Variants in PRKDC observed in about 807,000 individuals in gnomAD.
PRKDC encodes protein kinase, DNA-activated, catalytic subunit, also known as DNA-dependent protein kinase catalytic subunit.
In PRKDC, 82 loss-of-function variants were observed where a neutral mutation model predicts 486.9. The observed-to-expected ratio is 0.17, with a 90% confidence interval of 0.14 to 0.20. The LOEUF is 0.20. Among genes scored for constraint, PRKDC ranks in the 10% least tolerant of loss-of-function variants. PRKDC has a pLI of 1.00. For synonymous variants in PRKDC, 1,895 were observed against 1,837.0 expected (o/e 1.03, Z -0.81); for missense variants, 4,504 against 5,038.2 (o/e 0.89, Z 3.21).
At chr8:47,839,389 C>T (rs2088094521) in intron 55 of PRKDC, 143 bp from the exon 56 acceptor site, 1 of 657,054 alleles carries the variant, frequency 1.5e-6, no homozygotes, top group Non-Finnish European at 2.7e-6. Context: ...CAGCTTGCCC[C>T]ACTCATGGGT....
Position 47,839,246 on chromosome 8 carries a change from T to G in PRKDC, c.7455A>C (p.Arg2485Ser). ...NILMWIHDNY[R>S]DPESETDNDS... ...CATTATCTGTCTCACTTTCTGGATC[T>G]CTGCTTGAGAAAACAGCAAAATGTC... is the stretch of plus-strand genomic sequence containing the variant. Residue 2485 changes from arginine (R) to serine (S), a missense_variant and splice_region_variant, in exon 56 of 86, where the codon AGA (arginine) becomes AGC (serine). Physicochemically the swap from Arg to Ser is moderately radical, Grantham distance 110. Coordinates refer to ENST00000314191, the MANE Select transcript of PRKDC (RefSeq NM_006904.7). The G allele has an allele frequency of 6.2e-7, 1 of 1,610,128 alleles. No individual in the cohort carries two copies. Among genetic ancestry groups the G allele is most frequent in the Non-Finnish European group, 8.5e-7 (1 of 1,176,770 alleles).
At chr8:47,930,649 A>T (rs1158231586) in intron 17 of PRKDC, 23 bp downstream of exon 17, 24 of 1,529,908 alleles carry the variant, frequency 1.6e-5, no homozygotes, top group Non-Finnish European at 2.1e-5. Context: ...TCATTCTTAA[A>T]TAATTAGAAT....
rs1392138634 is a variant in PRKDC, at chr8:47,902,687, T to C, written c.3151A>G (p.Lys1051Glu). 1 of 1,613,836 alleles carries C rather than the reference T, an allele frequency of 6.2e-7. No individual in the cohort carries two copies. The highest frequency in any genetic ancestry group is 8.5e-7 in the Non-Finnish European group (1 of 1,179,852). Residue 1051 changes from lysine (K) to glutamate (E), a missense_variant, in exon 27 of 86, where the codon AAG becomes GAG. Around this residue, in one of 6 missense-constraint regions of PRKDC, gnomAD observed 1,969 missense variants for 2,068.9 expected, o/e 0.95. Transcript: ENST00000314191. The part of the protein sequence containing the change: ...IKQITPQQQE[K>E]SPVNTKSLFK... ...AGCGATTTGGTGTTTACTGGACTCTTCTCCTGCTGCTGTGGTGTTATTTGC... is the reference window on the plus strand; with the variant it reads ...AGCGATTTGGTGTTTACTGGACTCTCCTCCTGCTGCTGTGGTGTTATTTGC...
intron 54 of PRKDC, among the ~76,000 whole-genome samples, chr8:47,845,975 A>T (rs554828604): frequency 2.0e-5 from 3 of 152,344 alleles, no homozygotes; most frequent in Admixed American, 6.5e-5. Flanking sequence ...CTAAAAGTCA[A>T]TGCGTGACAA....
chr8:47,786,816 G>A (rs1057034477), intron 76 of PRKDC, among the ~76,000 whole-genome samples: 2 of 126,172 alleles, frequency 1.6e-5, no homozygotes, highest in Non-Finnish European at 3.1e-5. Flanking sequence ...TGCAACCTCT[G>A]CCTCCTGGGT....
At chr8:47,855,411 T>G in intron 49 of PRKDC, 38 bp from the exon 50 acceptor site, 2 of 1,519,688 alleles carry the variant, frequency 1.3e-6, no homozygotes, top group Non-Finnish European at 1.8e-6. Flanking sequence ...ATATGCGGCA[T>G]TCCATTCTGG....
chr8:47,881,461 T>C lies in PRKDC; in HGVS notation c.5022A>G (p.Thr1674=). 6.3e-7 allele frequency: 1 copy of C among 1,577,690 alleles called. No homozygotes were observed. Among genetic ancestry groups the C allele is most frequent in the Non-Finnish European group, 8.7e-7 (1 of 1,150,002 alleles). Residue 1674 remains threonine (T), a synonymous_variant, in exon 38 of 86, where the codon ACA becomes ACG. Transcript: ENST00000314191. ...TTGTGTCAGCAAGTAGACTAATATA[T>C]GTTGTAAAGACTTCAGGGAATGAAC... ...SHGSFPEVFT[T]YISLLADTKL... is the part of the protein sequence containing the mutation.
chr8:47,890,028 C>T (rs1324894451), intron 32 of PRKDC, among the ~76,000 whole-genome samples: 2 of 152,050 alleles, frequency 1.3e-5, no homozygotes, highest in Non-Finnish European at 2.9e-5. Flanking sequence ...TTGATTTTGA[C>T]ATATAACTTC....
At chr8:47,790,941 T>C (rs538994243) in intron 74 of PRKDC, among the ~76,000 whole-genome samples, 4 of 152,108 alleles carry the variant, frequency 2.6e-5, no homozygotes, top group Non-Finnish European at 5.9e-5. Context: ...AAACCTAAGA[T>C]CTCAACCAAT....
In PRKDC at chr8:47,934,052, C is replaced by G. The variant is rs1269995670; in HGVS notation, c.1536G>C (p.Gly512=). ...ESESEDHRAS[G]EVRTGKWKVP... ...CCTTCCATTTGCCAGTTCTGACTTCCCCTGAAGCACGGTGGTCTTCAGATT... is the reference window on the plus strand; with the variant it reads ...CCTTCCATTTGCCAGTTCTGACTTCGCCTGAAGCACGGTGGTCTTCAGATT... The change falls in exon 15 of 86, where the codon GGG becomes GGC. Residue 512 remains glycine, a synonymous_variant. Transcript: ENST00000314191. The G allele has an allele frequency of 5.0e-6, 8 of 1,613,610 alleles. No individual in the cohort carries two copies. Among genetic ancestry groups the G allele is most frequent in the Non-Finnish European group, 6.8e-6 (8 of 1,179,756 alleles).
At chr8:47,888,673 A>T (rs766142945) in intron 33 of PRKDC, 23 bp from the exon 34 acceptor site, 1 of 1,558,722 alleles carries the variant, frequency 6.4e-7, no homozygotes, top group Non-Finnish European at 8.7e-7. Flanking sequence ...CAAAACAGTA[A>T]ATTAGGTGAG....
Position 47,855,369 on chromosome 8 carries a change from A to G in PRKDC, c.6614T>C (p.Val2205Ala). 12 of 1,592,780 alleles carry G rather than the reference A, an allele frequency of 7.5e-6. No homozygotes were observed. The highest frequency in any genetic ancestry group is 1.0e-5 in the Non-Finnish European group (12 of 1,168,914). ...ATTTGCTAACACTTCATCTTTAGGGACCCCCTGAAAAGGTACAGAAATTCT... is the reference window on the plus strand; with the variant it reads ...ATTTGCTAACACTTCATCTTTAGGGGCCCCCTGAAAAGGTACAGAAATTCT... ...SWTGLATPTG[V>A]PKDEVLANRL... The change falls in exon 50 of 86, where the codon GTC (valine) becomes GCC (alanine). Residue 2205 changes from valine (V) to alanine (A), a missense_variant. Physicochemically the swap from Val to Ala is moderately conservative, Grantham distance 64 (BLOSUM62 0). This residue lies in a region of PRKDC where 1,592 missense variants were observed against 1,724.6 expected (regional missense o/e 0.92). Transcript: ENST00000314191.
chr8:47,917,200 A>G (rs1251209992), intron 22 of PRKDC, among the ~76,000 whole-genome samples: 1 of 152,180 alleles, frequency 6.6e-6, no homozygotes, highest in African/African-American at 2.4e-5. Flanking sequence ...AGCTGCAGTG[A>G]GCTGAGATCA....
At chr8:47,880,049 A>G (rs535106061) in intron 38 of PRKDC, among the ~76,000 whole-genome samples, 98 of 152,144 alleles carry the variant, frequency 6.4e-4, no homozygotes, top group African/African-American at 2.3e-3. Flanking sequence ...GGGTTTTGCC[A>G]TGTTGGCCAG....
At chr8:47,793,683 TAAAAAAA>T (rs397892514) in intron 74 of PRKDC, among the ~76,000 whole-genome samples, 1 of 72,810 alleles carries the variant, frequency 1.4e-5, no homozygotes, top group Non-Finnish European at 2.9e-5. Context: ...TTAAAAAAAC[TAAAAAAA>T]AAAAAAAAAA....
intron 73 of PRKDC, among the ~76,000 whole-genome samples, chr8:47,797,177 CGA>C (rs2087000918): frequency 6.6e-6 from 1 of 152,116 alleles, no homozygotes; most frequent in Non-Finnish European, 1.5e-5. Context: ...TGTAAGCTCA[CGA>C]GAGAGGCTAC....
At position 47,959,985 on chromosome 8, in the gene PRKDC, G is replaced by A. The variant is rs1293108862; in HGVS notation, c.142C>T (p.Pro48Ser). Residue 48 changes from proline to serine, a missense_variant, in exon 1 of 86, where the codon CCC becomes TCC. Pro to Ser is a moderately conservative substitution (Grantham distance 74). This residue lies in a region of PRKDC where 145 missense variants were observed against 136.3 expected (regional missense o/e 1.06). Coordinates refer to ENST00000314191, the MANE Select transcript of PRKDC (RefSeq NM_006904.7). Reference protein sequence around the residue: ...LGQECVLSSSPAVLALQTSLV... With the variant: ...LGQECVLSSSSAVLALQTSLV... The stretch of plus-strand genomic sequence containing the variant: ...GGCCGGTACCCACCCAGCACCGCGG[G>A]GCTGCTGCTCAGGACGCATTCCTGC... The A allele has an allele frequency of 6.5e-7, 1 of 1,535,006 alleles. No individual in the cohort carries two copies. Among genetic ancestry groups the A allele is most frequent in the South Asian group, 1.2e-5 (1 of 84,038 alleles).
chr8:47,897,559 T>C (rs1388831371), intron 29 of PRKDC, among the ~76,000 whole-genome samples: 1 of 152,236 alleles, frequency 6.6e-6, no homozygotes, highest in Non-Finnish European at 1.5e-5. Context: ...CTAAGTATTT[T>C]CATGTTTCCT....
intron 22 of PRKDC, among the ~76,000 whole-genome samples, chr8:47,915,923 C>A (rs190524754): frequency 5.2e-4 from 79 of 152,180 alleles, no homozygotes; most frequent in Non-Finnish European, 3.4e-4. Context: ...AGGTTAGTTA[C>A]AATGTCGAAT....
Sources: allele counts gnomAD v4.1 joint callset (sites outside exome capture counted in the v4.1 genomes callset), GRCh38; gene constraint gnomAD v4.1.1; regional missense constraint gnomAD v4.1.1; transcripts MANE v1.5; gene names NCBI Gene and HGNC (gene_info 2026-07-23, HGNC 2026-07-21).